LSAMP: variants seen among roughly 807,000 people sequenced by gnomAD.
LSAMP encodes limbic system associated membrane protein, also known as limbic system-associated membrane protein.
LSAMP carries 7 observed loss-of-function variants against 38.6 expected under a neutral mutation model. The observed-to-expected ratio is 0.18, with a 90% CI of 0.10 to 0.34. The LOEUF is 0.34. LSAMP is among the 10% of genes least tolerant of loss of function. LSAMP has a pLI of 1.00. For synonymous variants in LSAMP, 154 were observed against 166.8 expected (o/e 0.92, Z 0.59); for missense variants, 313 against 420.0 (o/e 0.75, Z 2.23).
At chr3:115,874,245 G>A (rs1936124500) in intron 3 of LSAMP, among the ~76,000 whole-genome samples, 1 of 151,924 alleles carries the variant, frequency 6.6e-6, no homozygotes, top group South Asian at 2.1e-4. Flanking sequence ...TTCTCTTTCT[G>A]GGTTCCTTCT....
chr3:116,428,797 T>G (rs2049239533), intron 1 of LSAMP, among the ~76,000 whole-genome samples: 1 of 152,220 alleles, frequency 6.6e-6, no homozygotes, highest in Non-Finnish European at 1.5e-5. Flanking sequence ...TAGGATCCCT[T>G]GCATTATCTT....
At chr3:115,873,968 C>T (rs1936115440) in intron 3 of LSAMP, among the ~76,000 whole-genome samples, 1 of 152,112 alleles carries the variant, frequency 6.6e-6, no homozygotes, top group Non-Finnish European at 1.5e-5. Flanking sequence ...GACTACTACC[C>T]ATTTGCAGGA....
At chr3:115,942,451 A>T (rs1317548556) in intron 3 of LSAMP, among the ~76,000 whole-genome samples, 2 of 152,158 alleles carry the variant, frequency 1.3e-5, no homozygotes, top group African/African-American at 2.4e-5. Flanking sequence ...CTCTAAGCTG[A>T]TAATTATCTC....
chr3:115,858,958 T>A (rs953356159), intron 3 of LSAMP, among the ~76,000 whole-genome samples: 5 of 152,248 alleles, frequency 3.3e-5, no homozygotes, highest in Admixed American at 1.3e-4. Flanking sequence ...CACCTATTCC[T>A]GTTTTTGCTT....
intron 4 of LSAMP, among the ~76,000 whole-genome samples, chr3:115,846,525 C>T (rs2972482): frequency 0.088 from 13,425 of 152,158 alleles, 990 homozygotes; most frequent in Admixed American, 0.25. Flanking sequence ...TTTAGATATC[C>T]TCTTTATCCA....
chr3:115,827,114 ATTTTGTTTGCTTTG>A, intron 6 of LSAMP, among the ~76,000 whole-genome samples: 1 of 152,202 alleles, frequency 6.6e-6, no homozygotes, highest in Non-Finnish European at 1.5e-5. Context: ...GCTTGGTTTC[ATTTTGTTTGCTTTG>A]TTTTGTTTCT....
Position 116,204,583 on chromosome 3 carries a change from G to A in LSAMP, c.156-118027C>T, listed in dbSNP as rs185248918. 3.7e-3 allele frequency among the ~76,000 whole-genome samples: 561 copies of A among 151,932 alleles called. 3 individuals carry two copies. Among genetic ancestry groups the A allele is most frequent in the African/African-American group, 0.013 (537 of 41,392 alleles). ...CATCTTGAATTGATTTTTGTATAAG[G>A]TGTAAGGAAGGGATCCAGTTTCATC... On this transcript the variant is annotated intron_variant, in intron 1 of 6. Coordinates refer to ENST00000490035, the MANE Select transcript of LSAMP (RefSeq NM_002338.5).
chr3:116,037,800 T>C (rs981318977), intron 2 of LSAMP, among the ~76,000 whole-genome samples: 2 of 151,994 alleles, frequency 1.3e-5, no homozygotes, highest in African/African-American at 4.8e-5. Flanking sequence ...TATAATCATA[T>C]ATATAATCAT....
At chr3:116,263,402 G>A (rs564937206) in intron 1 of LSAMP, among the ~76,000 whole-genome samples, 1 of 152,172 alleles carries the variant, frequency 6.6e-6, no homozygotes, top group African/African-American at 2.4e-5. Flanking sequence ...GCCGGGCATG[G>A]CGGTGCATGC....
At position 116,245,764 on chromosome 3, in the gene LSAMP, A is replaced by C. The variant is rs572683959; in HGVS notation, c.156-159208T>G. Among the ~76,000 whole-genome samples the C allele has an allele frequency of 7.9e-5, 12 of 152,340 alleles. No homozygotes were observed. In the East Asian group the frequency reaches 2.3e-3, roughly 29 times the overall value. On this transcript the variant is annotated intron_variant, in intron 1 of 6. Transcript: ENST00000490035. ...TGGAAATTGTCCCATTATCTTAAAGAGAACCCAAACTGAGGCACACAAGTT... is the reference window on the plus strand; with the variant it reads ...TGGAAATTGTCCCATTATCTTAAAGCGAACCCAAACTGAGGCACACAAGTT...
At chr3:116,438,172 A>C (rs2049382666) in intron 1 of LSAMP, among the ~76,000 whole-genome samples, 1 of 152,104 alleles carries the variant, frequency 6.6e-6, no homozygotes, top group African/African-American at 2.4e-5. Context: ...AAAACATCGT[A>C]GTGCAAATGG....
chr3:116,439,313 T>A (rs1399042973), intron 1 of LSAMP, among the ~76,000 whole-genome samples: 1 of 137,548 alleles, frequency 7.3e-6, no homozygotes, highest in Non-Finnish European at 1.6e-5. Context: ...GTCCTGAGAT[T>A]TTGTTGTTTT....
At chr3:116,358,871 T>TA (rs2048263220) in intron 1 of LSAMP, among the ~76,000 whole-genome samples, 1 of 152,210 alleles carries the variant, frequency 6.6e-6, no homozygotes, top group Admixed American at 6.5e-5. Flanking sequence ...ATTTGGTAAT[T>TA]ATTCTCCATC....
At chr3:115,942,792 A>G (rs1203363119) in intron 3 of LSAMP, among the ~76,000 whole-genome samples, 1 of 152,178 alleles carries the variant, frequency 6.6e-6, no homozygotes, top group Admixed American at 6.6e-5. Context: ...TGCAGACCAC[A>G]TTTGGGAAGC....
chr3:116,295,682 ATCTG>A (rs1333579381), intron 1 of LSAMP, among the ~76,000 whole-genome samples: 2 of 152,320 alleles, frequency 1.3e-5, no homozygotes, highest in South Asian at 2.1e-4. Flanking sequence ...CAGAGGAGAT[ATCTG>A]TCTTTGTGTC....
At chr3:115,978,593 A>G (rs992644309) in intron 3 of LSAMP, among the ~76,000 whole-genome samples, 21 of 152,136 alleles carry the variant, frequency 1.4e-4, no homozygotes, top group African/African-American at 5.1e-4. Context: ...TATTAGCAGT[A>G]TTCCTACTAA....
At chr3:116,189,759 C>T (rs1395032870) in intron 1 of LSAMP, among the ~76,000 whole-genome samples, 1 of 152,008 alleles carries the variant, frequency 6.6e-6, no homozygotes, top group Non-Finnish European at 1.5e-5. Flanking sequence ...TACTTTTTGT[C>T]ATGGGGTGAT....
At chr3:115,998,941 AAAT>A (rs1939906414) in intron 3 of LSAMP, among the ~76,000 whole-genome samples, 1 of 152,068 alleles carries the variant, frequency 6.6e-6, no homozygotes, top group African/African-American at 2.4e-5. Context: ...ACCCTTCAAA[AAAT>A]AAAAGATTGA....
At chr3:116,109,824 G>A (rs1472375191) in intron 1 of LSAMP, among the ~76,000 whole-genome samples, 3 of 151,846 alleles carry the variant, frequency 2.0e-5, no homozygotes, top group African/African-American at 4.8e-5. Context: ...ATAGAGACAC[G>A]GAGGGAAGGG....
Sources: allele counts gnomAD v4.1 joint callset (sites outside exome capture counted in the v4.1 genomes callset), GRCh38; gene constraint gnomAD v4.1.1; transcripts MANE v1.5; gene names NCBI Gene and HGNC (gene_info 2026-07-23, HGNC 2026-07-21).